Variants in PXT1 observed in about 807,000 individuals in gnomAD.
The protein encoded by PXT1 is peroxisomal testis enriched protein 1, also known as peroxisomal testis-specific protein 1.
A neutral mutation model predicts 11.0 loss-of-function variants in PXT1; 11 were observed. That is an observed-to-expected ratio of 1.00 (90% CI 0.63 to 1.66). PXT1 has a LOEUF of 1.66. Among genes scored for constraint, PXT1 ranks in the 40% most tolerant of loss-of-function variants. The probability of loss-of-function intolerance (pLI) is 0.00; values close to 1 mark genes in which losing one functional copy is unlikely to be tolerated. For missense variants in PXT1, 141 were observed against 155.5 expected, an observed-to-expected ratio of 0.91 and a Z score of 0.49; for synonymous variants, 43 against 51.4, an observed-to-expected ratio of 0.84 and a Z score of 0.70.
intron 3 of PXT1, among the ~76,000 whole-genome samples, chr6:36,419,460 T>A (rs939156073): frequency 1.3e-5 from 2 of 152,004 alleles, no homozygotes; most frequent in African/African-American, 4.8e-5. Context: ...GGCAGTTAGG[T>A]AGGCAAAGGG....
chr6:36,396,069 A>T (rs567547663), intron 4 of PXT1, among the ~76,000 whole-genome samples: 6 of 152,366 alleles, frequency 3.9e-5, no homozygotes, highest in African/African-American at 1.2e-4. Flanking sequence ...ACAAATGTCT[A>T]GGTCAAAACC....
chr6:36,413,826 C>T (rs1774409542), intron 3 of PXT1, among the ~76,000 whole-genome samples: 2 of 152,010 alleles, frequency 1.3e-5, no homozygotes, highest in African/African-American at 4.8e-5. Flanking sequence ...GTGAGACTCC[C>T]ATCTGTACAA....
At chr6:36,439,045 G>A (rs1774815420) in intron 1 of PXT1, among the ~76,000 whole-genome samples, 159 bp from the exon 2 acceptor site, 1 of 151,544 alleles carries the variant, frequency 6.6e-6, no homozygotes, top group Admixed American at 6.6e-5. Flanking sequence ...GTATCGCCCA[G>A]GTTGGAGCAG....
intron 4 of PXT1, among the ~76,000 whole-genome samples, chr6:36,399,130 T>C (rs1774180970): frequency 7.2e-6 from 1 of 139,072 alleles, no homozygotes; most frequent in South Asian, 2.2e-4. Context: ...TTATTTTATT[T>C]TATTTCATTT....
chr6:36,441,001 T>G (rs1204096811), intron 1 of PXT1, among the ~76,000 whole-genome samples: 1 of 151,814 alleles, frequency 6.6e-6, no homozygotes. Flanking sequence ...GTGCAGTGGC[T>G]CATGCCTGTA....
intron 4 of PXT1, among the ~76,000 whole-genome samples, chr6:36,393,286 C>T (rs76676074): frequency 0.059 from 8,928 of 152,180 alleles, 611 homozygotes; most frequent in Admixed American, 0.17. Context: ...CTTTTATGAC[C>T]TTCTCCCTCA....
intron 3 of PXT1, among the ~76,000 whole-genome samples, chr6:36,404,467 G>T (rs1774258864): frequency 6.6e-6 from 1 of 152,144 alleles, no homozygotes; most frequent in Non-Finnish European, 1.5e-5. Flanking sequence ...GACCACAGGT[G>T]CATGCCACCA....
At chr6:36,403,800 C>A (rs1178151675) in intron 3 of PXT1, among the ~76,000 whole-genome samples, 2 of 152,068 alleles carry the variant, frequency 1.3e-5, no homozygotes, top group Admixed American at 6.6e-5. Flanking sequence ...CCCAGGAGGT[C>A]AAGGCTACAG....
intron 4 of PXT1, among the ~76,000 whole-genome samples, chr6:36,399,836 C>T (rs537643300): frequency 4.7e-4 from 72 of 152,280 alleles, no homozygotes; most frequent in Admixed American, 1.4e-3. Context: ...TTATAATAAT[C>T]AGGAGATTCT....
At chr6:36,410,672 G>C (rs1317751045) in intron 3 of PXT1, among the ~76,000 whole-genome samples, 2 of 152,204 alleles carry the variant, frequency 1.3e-5, no homozygotes, top group African/African-American at 4.8e-5. Context: ...TAATGGAAGA[G>C]GTCAAACCCT....
chr6:36,423,705 G>A (rs1774559889), intron 3 of PXT1, among the ~76,000 whole-genome samples: 2 of 152,164 alleles, frequency 1.3e-5, no homozygotes, highest in African/African-American at 2.4e-5. Flanking sequence ...TCATAAAGAT[G>A]AAGGGGAGAA....
intron 2 of PXT1, 68 bp downstream of exon 2, chr6:36,438,699 G>C (rs1272778207): frequency 6.6e-6 from 1 of 152,368 alleles, no homozygotes; most frequent in Non-Finnish European, 1.5e-5. Flanking sequence ...TGGGATTACA[G>C]GCATGAGCCA....
chr6:36,412,427 C>T (rs539280410), intron 3 of PXT1, among the ~76,000 whole-genome samples: 80 of 150,808 alleles, frequency 5.3e-4, no homozygotes, highest in Admixed American at 1.3e-3. Context: ...TTCGGGAGGC[C>T]GAGGTGGGCG....
intron 3 of PXT1, among the ~76,000 whole-genome samples, chr6:36,421,939 CTTTT>C (rs1179896578): frequency 2.6e-5 from 4 of 152,112 alleles, no homozygotes; most frequent in Non-Finnish European, 5.9e-5. Context: ...TCTAAGATGC[CTTTT>C]TTGAGTCTTC....
chr6:36,409,182 T>C (rs1774332095), intron 3 of PXT1, among the ~76,000 whole-genome samples: 1 of 152,076 alleles, frequency 6.6e-6, no homozygotes, highest in Admixed American at 6.6e-5. Flanking sequence ...GGCTTCTCCA[T>C]CTCTCCTAAT....
intron 3 of PXT1, 109 bp downstream of exon 3, chr6:36,425,805 A>AAACAAACAAAAAAAAAAAAAT (rs1554154141): frequency 6.2e-6 from 2 of 321,510 alleles, no homozygotes; most frequent in African/African-American, 4.6e-5. Flanking sequence ...AAAAACAAAA[A>AAACAAACAAAAAAAAAAAAAT]ATATATATAT....
intron 4 of PXT1, among the ~76,000 whole-genome samples, chr6:36,399,112 G>A (rs1007388618): frequency 9.8e-5 from 13 of 132,558 alleles, no homozygotes; most frequent in Non-Finnish European, 1.9e-4. Context: ...TTTCTCTCTT[G>A]CTTTATTTTA....
intron 4 of PXT1, among the ~76,000 whole-genome samples, chr6:36,397,860 T>A (rs1774164452): frequency 6.6e-6 from 1 of 151,566 alleles, no homozygotes. Context: ...AAATAAAAAT[T>A]AAAAAATTAG....
chr6:36,435,698 C>A (rs1402982692), intron 2 of PXT1, among the ~76,000 whole-genome samples: 1 of 152,110 alleles, frequency 6.6e-6, no homozygotes, highest in Non-Finnish European at 1.5e-5. Flanking sequence ...TCTTGGAATT[C>A]ATCAATGATA....
Sources: gnomAD v4.1 joint callset for allele counts (sites outside exome capture counted in the v4.1 genomes callset) on GRCh38, gnomAD v4.1.1 for gene constraint, MANE v1.5 for transcripts, NCBI Gene and HGNC (gene_info 2026-07-23, HGNC 2026-07-21) for gene names.